SRGAP1: variants seen among roughly 807,000 people sequenced by gnomAD.
The protein encoded by SRGAP1 is SLIT-ROBO Rho GTPase activating protein 1, also known as SLIT-ROBO Rho GTPase-activating protein 1.
SRGAP1 carries 43 observed loss-of-function variants against 121.9 expected under a neutral mutation model. The ratio of observed to expected loss-of-function variants is 0.35; its 90% CI spans 0.28 to 0.46. The LOEUF (loss-of-function observed/expected upper bound fraction) is 0.46. Among genes scored for constraint, SRGAP1 ranks in the 20% least tolerant of loss-of-function variants. The pLI, the probability that SRGAP1 is intolerant of heterozygous loss-of-function variation, is 1.00. For missense variants in SRGAP1, 1,102 were observed against 1,350.9 expected, an observed-to-expected ratio of 0.82 and a Z score of 2.89; for synonymous variants, 447 against 485.4, an observed-to-expected ratio of 0.92 and a Z score of 1.04.
chr12:63,915,882 G>A (rs886499207), intron 1 of SRGAP1, among the ~76,000 whole-genome samples: 4 of 152,090 alleles, frequency 2.6e-5, no homozygotes, highest in African/African-American at 9.7e-5. Flanking sequence ...CAGAAACTTG[G>A]ATATTAATGA....
chr12:63,924,314 C>G (rs1366613431), intron 1 of SRGAP1, among the ~76,000 whole-genome samples: 4 of 152,144 alleles, frequency 2.6e-5, no homozygotes, highest in Non-Finnish European at 5.9e-5. Flanking sequence ...TTCTTTTGGT[C>G]TGAGTTGTAG....
In SRGAP1 at chr12:64,091,322, C is replaced by A; in HGVS notation, c.1483C>A (p.Pro495Thr). The change falls in exon 12 of 22, where the codon CCC becomes ACC. Residue 495 changes from proline (P) to threonine (T), a missense_variant. Transcript: ENST00000355086. ...GCCCCAGAAACACAGGAAGTCCAGG[C>A]CCCGCTCACAGTATAATACTAAGTT... ...PKPQKHRKSR[P>T]RSQYNTKLFN... 1.2e-6 allele frequency: 2 copies of A among 1,611,042 alleles called. No individual in the cohort carries two copies. The highest frequency in any genetic ancestry group is 1.7e-6 in the Non-Finnish European group (2 of 1,178,238).
intron 4 of SRGAP1, among the ~76,000 whole-genome samples, chr12:64,028,111 T>C (rs755135374): frequency 7.9e-5 from 12 of 152,260 alleles, no homozygotes; most frequent in Admixed American, 5.9e-4. Context: ...TGCATGTGCT[T>C]TCCCCTTCAA....
intron 1 of SRGAP1, among the ~76,000 whole-genome samples, chr12:63,951,338 A>G (rs2032288839): frequency 6.6e-6 from 1 of 151,392 alleles, no homozygotes; most frequent in African/African-American, 2.4e-5. Flanking sequence ...TAATTTTTGT[A>G]TTTTTAGTAG....
At chr12:64,063,930 TG>T (rs1420704622) in intron 7 of SRGAP1, among the ~76,000 whole-genome samples, 2 of 151,534 alleles carry the variant, frequency 1.3e-5, no homozygotes, top group East Asian at 3.9e-4. Context: ...AATATATACA[TG>T]TTTTTATATA....
rs1013202557 is a variant in SRGAP1, at chr12:64,161,931, A to G, written c.*19259A>G. ...CTGATACACGCTACAACATGGGTAA[A>G]CTGAAAACATTATTACGTGAAATAA... On this transcript the variant is annotated 3_prime_UTR_variant, in exon 22 of 22. Coordinates refer to ENST00000355086, the MANE Select transcript of SRGAP1 (RefSeq NM_020762.4). 6.6e-6 allele frequency: 1 copy of G among 152,250 alleles called. No homozygotes were observed. Among genetic ancestry groups the G allele is most frequent in the Non-Finnish European group, 1.5e-5 (1 of 68,052 alleles). The allele number at this position is 152,250 out of a possible 1,614,324, so 9.4% of individuals were successfully genotyped here.
rs1170021878 is a variant in SRGAP1 at position 63,970,393 on chromosome 12, T to C, written c.68-13554T>C. On this transcript the variant is annotated intron_variant, in intron 1 of 21. Coordinates refer to ENST00000355086, the MANE Select transcript of SRGAP1 (RefSeq NM_020762.4). ...AAAAGGGTGGGTGTGGCAGAGGCAA[T>C]ATTGCTAATCATATCTGAGACCTTA... Among the ~76,000 whole-genome samples the C allele has an allele frequency of 2.6e-5, 4 of 152,174 alleles. No homozygotes were observed. In the East Asian group the frequency reaches 7.7e-4, roughly 29 times the overall value.
At chr12:64,124,788 T>G (rs1238509859) in intron 18 of SRGAP1, among the ~76,000 whole-genome samples, 3 of 152,196 alleles carry the variant, frequency 2.0e-5, no homozygotes, top group Non-Finnish European at 4.4e-5. Flanking sequence ...TCTAACTTAT[T>G]ATTTTGAAAT....
At chr12:63,963,304 C>T (rs998953907) in intron 1 of SRGAP1, among the ~76,000 whole-genome samples, 3 of 152,064 alleles carry the variant, frequency 2.0e-5, no homozygotes, top group South Asian at 2.1e-4. Context: ...AAGTTTTTCT[C>T]GGAACTGAAG....
At chr12:64,112,136 A>G (rs2036439652) in intron 17 of SRGAP1, 150 bp downstream of exon 17, 1 of 642,648 alleles carries the variant, frequency 1.6e-6, no homozygotes. Flanking sequence ...TTTTTAGAAT[A>G]CTAAGACCCA....
chr12:63,902,062 C>T (rs955736127), intron 1 of SRGAP1, among the ~76,000 whole-genome samples: 1 of 152,176 alleles, frequency 6.6e-6, no homozygotes, highest in Admixed American at 6.5e-5. Context: ...CGCCTGTAAT[C>T]CCAGTACTTT....
At chr12:63,901,357 A>G (rs1475958708) in intron 1 of SRGAP1, among the ~76,000 whole-genome samples, 1 of 152,144 alleles carries the variant, frequency 6.6e-6, no homozygotes, top group Non-Finnish European at 1.5e-5. Context: ...CCAAAATGTA[A>G]AGTCTCCCTG....
chr12:64,052,716 TTTAATA>T (rs1325912307), intron 6 of SRGAP1, among the ~76,000 whole-genome samples: 2 of 152,164 alleles, frequency 1.3e-5, no homozygotes, highest in African/African-American at 4.8e-5. Flanking sequence ...CTGCCAATCT[TTTAATA>T]TTATGATTTA....
intron 2 of SRGAP1, among the ~76,000 whole-genome samples, chr12:63,989,375 C>T (rs983206955): frequency 2.0e-5 from 3 of 152,064 alleles, no homozygotes; most frequent in Non-Finnish European, 2.9e-5. Context: ...AGTTCTGATT[C>T]CCAGGAATAG....
rs1421103902 is a variant in SRGAP1, at chr12:64,159,255, CAGG to C, written c.*16586_*16588del. On this transcript the variant is annotated 3_prime_UTR_variant, in exon 22 of 22. Coordinates refer to ENST00000355086, the MANE Select transcript of SRGAP1 (RefSeq NM_020762.4). ...CCGAGGTGGGTGGATCACTTGAGGT[CAGG>C]AGTTCAGGACCAACCTGACCAACAT... The C allele has an allele frequency of 2.6e-5, 4 of 152,586 alleles. No homozygotes were observed. The East Asian group carries it at 5.8e-4, about 22-fold the overall frequency. The allele number at this position is 152,586 out of a possible 1,614,324, so 9.5% of individuals were successfully genotyped here. A position where few individuals can be genotyped will look rare whatever the true frequency, so the allele number is the denominator to read the frequency against.
chr12:64,079,197 C>T (rs1166587032), intron 9 of SRGAP1, 81 bp downstream of exon 9: 181 of 1,470,646 alleles, frequency 1.2e-4, no homozygotes, highest in Non-Finnish European at 1.6e-4. Flanking sequence ...CACATCAGAA[C>T]CATCTGGGGT....
chr12:64,022,557 C>G (rs567090164), intron 4 of SRGAP1, among the ~76,000 whole-genome samples: 6 of 152,114 alleles, frequency 3.9e-5, no homozygotes, highest in Non-Finnish European at 8.8e-5. Flanking sequence ...TCATGTTTGA[C>G]CAAATATCTG....
intron 1 of SRGAP1, among the ~76,000 whole-genome samples, chr12:63,883,728 G>T (rs568392337): frequency 6.7e-6 from 1 of 149,588 alleles, no homozygotes; most frequent in Non-Finnish European, 1.5e-5. Context: ...ATGCAATCTC[G>T]GCTCACTGCA....
At chr12:64,029,930 T>TAAAC in intron 4 of SRGAP1, among the ~76,000 whole-genome samples, 1 of 151,786 alleles carries the variant, frequency 6.6e-6, no homozygotes, top group Admixed American at 6.6e-5. Context: ...AATGAATAAA[T>TAAAC]AAATAAATAA....
Sources: gnomAD v4.1 joint callset for allele counts (sites outside exome capture counted in the v4.1 genomes callset) on GRCh38, gnomAD v4.1.1 for gene constraint, MANE v1.5 for transcripts, NCBI Gene and HGNC (gene_info 2026-07-23, HGNC 2026-07-21) for gene names.